Variants in ATF7IP observed in about 807,000 individuals in gnomAD.
ATF7IP encodes the protein activating transcription factor 7-interacting protein 1.
ATF7IP carries 23 observed loss-of-function variants against 106.4 expected under a neutral mutation model. That is an observed-to-expected ratio of 0.22 (90% CI 0.16 to 0.31). The LOEUF (loss-of-function observed/expected upper bound fraction) is 0.31, where lower values mean the gene tolerates loss of function less well. ATF7IP is among the 10% of genes least tolerant of loss of function. The pLI, the probability that ATF7IP is intolerant of heterozygous loss-of-function variation, is 1.00. For synonymous variants in ATF7IP, 542 were observed against 539.0 expected, an observed-to-expected ratio of 1.01 and a Z score of -0.08; for missense variants, 1,334 against 1,524.3, an observed-to-expected ratio of 0.88 and a Z score of 2.08.
rs1944169536 is a variant in ATF7IP at position 14,474,240 on chromosome 12, G to C, written c.2863-1650G>C. 1.3e-5 allele frequency among the ~76,000 whole-genome samples: 2 copies of C among 151,346 alleles called. 1 individual carries two copies. Among genetic ancestry groups the C allele is most frequent in the South Asian group, 4.2e-4 (2 of 4,814 alleles). The stretch of plus-strand genomic sequence containing the variant: ...TATTGATCTAGCATCAATTTCATTT[G>C]AGTTTTTCCTGCCCCCTCCAATCTG... On this transcript the variant is annotated intron_variant, in intron 10 of 14. Coordinates refer to ENST00000261168, the MANE Select transcript of ATF7IP (RefSeq NM_018179.5).
chr12:14,400,907 G>A (rs1166962789), intron 1 of ATF7IP, among the ~76,000 whole-genome samples: 2 of 151,910 alleles, frequency 1.3e-5, no homozygotes, highest in Admixed American at 6.6e-5. Context: ...GCCTTTTCTT[G>A]TATATGTTGT....
At chr12:14,444,942 A>G (rs1324304648) in intron 5 of ATF7IP, among the ~76,000 whole-genome samples, 11 of 151,794 alleles carry the variant, frequency 7.2e-5, no homozygotes, top group Non-Finnish European at 1.6e-4. Context: ...AAGTAAAAAT[A>G]GAATAATAAT....
intron 13 of ATF7IP, chr12:14,482,311 G>A: frequency 6.4e-6 from 1 of 156,436 alleles, no homozygotes; most frequent in Non-Finnish European, 1.4e-5. Context: ...ATATATAAAG[G>A]GGAGTTTACT....
At chr12:14,467,226 C>T (rs1943866947) in intron 10 of ATF7IP, among the ~76,000 whole-genome samples, 1 of 152,038 alleles carries the variant, frequency 6.6e-6, no homozygotes, top group Admixed American at 6.6e-5. Context: ...ATTTTCTTCA[C>T]TTCCTTTGAA....
At chr12:14,473,286 C>CTATGTGTGTGTG (rs766915991) in intron 10 of ATF7IP, among the ~76,000 whole-genome samples, 1 of 53,734 alleles carries the variant, frequency 1.9e-5, no homozygotes, top group African/African-American at 1.2e-4. Context: ...CTCTCTCTCT[C>CTATGTGTGTGTG]TCTCTGTGTG....
intron 1 of ATF7IP, among the ~76,000 whole-genome samples, chr12:14,367,966 C>G (rs1274340530): frequency 6.6e-6 from 1 of 151,970 alleles, no homozygotes. Context: ...GGAATGAATA[C>G]CAAGTTACTG....
At chr12:14,421,654 C>T (rs769812091) in intron 1 of ATF7IP, among the ~76,000 whole-genome samples, 11 of 152,082 alleles carry the variant, frequency 7.2e-5, no homozygotes, top group South Asian at 6.2e-4. Flanking sequence ...AGGCCCTATC[C>T]GAATAAGGTC....
chr12:14,405,496 C>T (rs918252053), intron 1 of ATF7IP, among the ~76,000 whole-genome samples: 1 of 138,268 alleles, frequency 7.2e-6, no homozygotes, highest in Non-Finnish European at 1.5e-5. Flanking sequence ...CTCACTATGA[C>T]CTTGACCTCT....
In ATF7IP at chr12:14,446,969, T is replaced by C; in HGVS notation, c.1930-19T>C. The C allele has an allele frequency of 7.9e-7, 1 of 1,270,046 alleles. No individual in the cohort carries two copies. Among genetic ancestry groups the C allele is most frequent in the Non-Finnish European group, 1.0e-6 (1 of 959,792 alleles). 78.7% of individuals were successfully genotyped at this position (1,270,046 alleles called of 1,614,324 possible). A position where few individuals can be genotyped will look rare whatever the true frequency, so the allele number is the denominator to read the frequency against. On this transcript the variant is annotated intron_variant, in intron 5 of 14. Transcript: ENST00000261168. ...ACTATTTGATTTCCATTCATTTTTG[T>C]CTTTTTTTTTTTTTTCAGGCCAAGA... is the stretch of plus-strand genomic sequence containing the variant.
chr12:14,379,508 C>T (rs1005933514), intron 1 of ATF7IP, among the ~76,000 whole-genome samples: 1 of 151,914 alleles, frequency 6.6e-6, no homozygotes, highest in Non-Finnish European at 1.5e-5. Context: ...AATGCTATGT[C>T]TTTTTATTGA....
intron 12 of ATF7IP, among the ~76,000 whole-genome samples, chr12:14,479,008 C>A (rs1167696858): frequency 6.6e-6 from 1 of 152,140 alleles, no homozygotes; most frequent in African/African-American, 2.4e-5. Flanking sequence ...AAATAATGTT[C>A]ACCTAATATC....
chr12:14,450,068 C>T (rs1943138381), intron 6 of ATF7IP, among the ~76,000 whole-genome samples: 1 of 151,948 alleles, frequency 6.6e-6, no homozygotes, highest in Non-Finnish European at 1.5e-5. Context: ...TATGTTTGAA[C>T]AGTTGTCTTT....
intron 9 of ATF7IP, among the ~76,000 whole-genome samples, chr12:14,465,719 A>G (rs1270782606): frequency 1.3e-5 from 2 of 152,170 alleles, no homozygotes; most frequent in South Asian, 2.1e-4. Context: ...ATGGGAATAC[A>G]TAGGTAGTTT....
chr12:14,476,742 T>C, intron 11 of ATF7IP, among the ~76,000 whole-genome samples: 1 of 152,150 alleles, frequency 6.6e-6, no homozygotes, highest in Admixed American at 6.5e-5. Context: ...TTAATTTTGG[T>C]CATTTGAATT....
chr12:14,390,978 A>G (rs1939515622), intron 1 of ATF7IP, among the ~76,000 whole-genome samples: 2 of 152,240 alleles, frequency 1.3e-5, no homozygotes, highest in African/African-American at 4.8e-5. Context: ...ATGGTTTTCT[A>G]GTTAGAGTTC....
Position 14,438,279 on chromosome 12 carries a change from G to C in ATF7IP, c.1929+12G>C. On this transcript the variant is annotated intron_variant, in intron 5 of 14. Transcript: ENST00000261168. The stretch of plus-strand genomic sequence containing the variant: ...TCACTGAACTACAGGTTTGTACATT[G>C]ACTTGAGTTGTATACTCCATGTGTC... The C allele has an allele frequency of 1.2e-6, 2 of 1,607,314 alleles. No individual in the cohort carries two copies. Among genetic ancestry groups the C allele is most frequent in the South Asian group, 2.2e-5 (2 of 90,610 alleles).
At chr12:14,473,808 T>G (rs879784480) in intron 10 of ATF7IP, among the ~76,000 whole-genome samples, 160 of 149,546 alleles carry the variant, frequency 1.1e-3, no homozygotes, top group Middle Eastern at 7.0e-3. Flanking sequence ...TCTTAAAGGT[T>G]TTTTTTTTTT....
At chr12:14,435,462 G>A (rs1942361727) in intron 3 of ATF7IP, among the ~76,000 whole-genome samples, 2 of 152,128 alleles carry the variant, frequency 1.3e-5, no homozygotes, top group South Asian at 4.1e-4. Flanking sequence ...TTTAGATATT[G>A]AAGAAGCCAG....
intron 14 of ATF7IP, 74 bp from the exon 15 acceptor site, chr12:14,497,580 A>C: frequency 1.5e-6 from 2 of 1,371,098 alleles, no homozygotes; most frequent in Admixed American, 4.5e-5. Flanking sequence ...ATGTTCTCTA[A>C]GGTGTTTTAA....
Sources: gnomAD v4.1 joint callset for allele counts (sites outside exome capture counted in the v4.1 genomes callset) on GRCh38, gnomAD v4.1.1 for gene constraint, MANE v1.5 for transcripts, NCBI Gene and HGNC (gene_info 2026-07-23, HGNC 2026-07-21) for gene names.